The following ZCCHC14 variants were observed in gnomAD, a reference collection of about 807,000 sequenced individuals.
The protein encoded by ZCCHC14 is zinc finger CCHC-type containing 14.
Under a neutral mutation model 85.0 loss-of-function variants are expected in ZCCHC14, and 16 were observed. That is an observed-to-expected ratio of 0.19 (90% CI 0.13 to 0.29). The LOEUF is 0.29. Among genes scored for constraint, ZCCHC14 ranks in the 10% least tolerant of loss-of-function variants. The probability of loss-of-function intolerance (pLI) is 1.00; values close to 1 mark genes in which losing one functional copy is unlikely to be tolerated. For missense variants in ZCCHC14, 1,303 were observed against 1,443.5 expected, an observed-to-expected ratio of 0.90 and a Z score of 1.58; for synonymous variants, 775 against 630.7, an observed-to-expected ratio of 1.23 and a Z score of -3.43.
chr16:87,440,521 T>C (rs947345964), intron 2 of ZCCHC14, among the ~76,000 whole-genome samples: 2 of 152,170 alleles, frequency 1.3e-5, no homozygotes, highest in Non-Finnish European at 2.9e-5. Flanking sequence ...ATTTGTAACA[T>C]GTTTCAGGAA....
At chr16:87,477,127 AAAAAAAAAAAAAAACAAAAC>A (rs1019006537) in intron 1 of ZCCHC14, among the ~76,000 whole-genome samples, 3 of 132,286 alleles carry the variant, frequency 2.3e-5, no homozygotes, top group Non-Finnish European at 3.1e-5. Flanking sequence ...TCTCAAAAAA[AAAAAAAAAAAAAAACAAAAC>A]AAAACCAAAA....
Position 87,451,989 on chromosome 16 carries a change from C to T in ZCCHC14, c.694+8019G>A, listed in dbSNP as rs184801946. Among the ~76,000 whole-genome samples the T allele has an allele frequency of 2.2e-3, 328 of 152,354 alleles. 2 individuals carry two copies. Among genetic ancestry groups the T allele is most frequent in the African/African-American group, 6.9e-3 (288 of 41,578 alleles). On this transcript the variant is annotated intron_variant, in intron 2 of 12. Transcript: ENST00000671377. ...GAATCCCGGCTCTCCCTGCACGGCA[C>T]GGGGCTGGGCAAGTGTGGGCTGACT...
Position 87,491,308 on chromosome 16 carries a change from G to T in ZCCHC14, c.570+361C>A, listed in dbSNP as rs141253146. 0.016 allele frequency among the ~76,000 whole-genome samples: 2,498 copies of T among 152,340 alleles called. 84 individuals carry two copies. Among genetic ancestry groups the T allele is most frequent in the African/African-American group, 0.057 (2,372 of 41,564 alleles). ...TTGGGGCACGCAGAGGGGACTGAGG[G>T]TGTGGGCTCAGGGCCGCGGTGCGGT... is the stretch of plus-strand genomic sequence containing the variant. On this transcript the variant is annotated intron_variant, in intron 1 of 12. Coordinates refer to ENST00000671377, the MANE Select transcript of ZCCHC14 (RefSeq NM_015144.3). This position sits in a 1 kb window ranked among gnomAD's most constrained non-coding sequence, Gnocchi z 5.9.
Position 87,422,660 on chromosome 16 carries a change from C to G in ZCCHC14, c.840+1150G>C, listed in dbSNP as rs541275621. Among the ~76,000 whole-genome samples, 610 of 151,596 alleles carry G rather than the reference C, an allele frequency of 4.0e-3. 2 individuals are homozygous for G. Among genetic ancestry groups the G allele is most frequent in the African/African-American group, 0.014 (563 of 41,316 alleles). On this transcript the variant is annotated intron_variant, in intron 4 of 12. Coordinates refer to ENST00000671377, the MANE Select transcript of ZCCHC14 (RefSeq NM_015144.3). Reference sequence around the variant, plus strand: ...CTAAGGCAGGAGAATTGCTTGAAGCCGGGAGGTGGAGGTTGCAGTGAGCCA... The same window carrying G: ...CTAAGGCAGGAGAATTGCTTGAAGCGGGGAGGTGGAGGTTGCAGTGAGCCA...
intron 1 of ZCCHC14, among the ~76,000 whole-genome samples, chr16:87,485,654 G>A (rs771948257): frequency 1.3e-5 from 2 of 151,454 alleles, no homozygotes; most frequent in Non-Finnish European, 2.9e-5. Context: ...GGTGGGGGGC[G>A]GGGGAGAATA....
At chr16:87,456,217 A>G (rs1910951547) in intron 2 of ZCCHC14, among the ~76,000 whole-genome samples, 1 of 152,204 alleles carries the variant, frequency 6.6e-6, no homozygotes, top group Non-Finnish European at 1.5e-5. Flanking sequence ...GAAAGGCCAC[A>G]GACTGTGGGC....
chr16:87,446,236 C>G (rs963725471), intron 2 of ZCCHC14, among the ~76,000 whole-genome samples: 3 of 151,538 alleles, frequency 2.0e-5, no homozygotes, highest in African/African-American at 7.3e-5. Context: ...GTAATCCCAG[C>G]ACTTTGGGAG....
chr16:87,460,289 T>G (rs866452911), intron 1 of ZCCHC14, among the ~76,000 whole-genome samples, 158 bp from the exon 2 acceptor site: 1 of 152,136 alleles, frequency 6.6e-6, no homozygotes, highest in Non-Finnish European at 1.5e-5. Flanking sequence ...AAGATGAAAA[T>G]TTCACCTACT....
At chr16:87,476,605 T>C (rs1912015278) in intron 1 of ZCCHC14, among the ~76,000 whole-genome samples, 1 of 151,868 alleles carries the variant, frequency 6.6e-6, no homozygotes, top group Admixed American at 6.6e-5. Flanking sequence ...ACTAAAATCA[T>C]GCAACAAAGG....
chr16:87,468,228 T>A (rs1172705262), intron 1 of ZCCHC14, among the ~76,000 whole-genome samples: 1 of 152,250 alleles, frequency 6.6e-6, no homozygotes, highest in Non-Finnish European at 1.5e-5. Flanking sequence ...TGGTGACATC[T>A]GTACGTAACC....
At chr16:87,440,558 G>A (rs1201853370) in intron 2 of ZCCHC14, among the ~76,000 whole-genome samples, 13 of 152,160 alleles carry the variant, frequency 8.5e-5, no homozygotes, top group Non-Finnish European at 1.5e-5. Context: ...GTATCCAGAG[G>A]TCACTGGCCA....
At chr16:87,483,599 T>C (rs1440469511) in intron 1 of ZCCHC14, among the ~76,000 whole-genome samples, 3 of 152,154 alleles carry the variant, frequency 2.0e-5, no homozygotes, top group African/African-American at 7.2e-5. Flanking sequence ...GAAACAATAT[T>C]CAACCTTTAT....
intron 3 of ZCCHC14, among the ~76,000 whole-genome samples, chr16:87,428,850 T>C (rs1909505812): frequency 6.6e-6 from 1 of 152,266 alleles, no homozygotes. Flanking sequence ...TTCGTGCATA[T>C]GGCTGAGTAT....
intron 3 of ZCCHC14, among the ~76,000 whole-genome samples, chr16:87,429,796 A>G (rs765057235): frequency 2.8e-4 from 43 of 152,176 alleles, no homozygotes; most frequent in Non-Finnish European, 5.4e-4. Flanking sequence ...TACTAGAGAG[A>G]GGGTTTTGCC....
chr16:87,455,966 T>C (rs966488902), intron 2 of ZCCHC14, among the ~76,000 whole-genome samples: 1 of 152,204 alleles, frequency 6.6e-6, no homozygotes, highest in Non-Finnish European at 1.5e-5. Context: ...TGTGGTGTAT[T>C]CACTGCATTG....
intron 1 of ZCCHC14, among the ~76,000 whole-genome samples, chr16:87,468,844 T>A (rs1299555665): frequency 1.3e-5 from 2 of 152,212 alleles, no homozygotes; most frequent in Non-Finnish European, 1.5e-5. Context: ...CCCGCAGGCC[T>A]CAGGAGTGCC....
chr16:87,419,873 G>A lies in ZCCHC14; in HGVS notation c.955C>T (p.Leu319=). ...HVDLDSGLRY[L]ASLPSHVLKN... ...AACACGTGAGAAGGTAATGAGGCCAGGTACCTAAAAGGCAAACAAGTGGTC... is the reference window on the plus strand; with the variant it reads ...AACACGTGAGAAGGTAATGAGGCCAAGTACCTAAAAGGCAAACAAGTGGTC... The change falls in exon 6 of 13, where the codon CTG becomes TTG. Residue 319 remains leucine (L), a synonymous_variant. Coordinates refer to ENST00000671377, the MANE Select transcript of ZCCHC14 (RefSeq NM_015144.3). The A allele has an allele frequency of 6.2e-7, 1 of 1,606,424 alleles. No homozygotes were observed. Among genetic ancestry groups the A allele is most frequent in the Non-Finnish European group, 8.5e-7 (1 of 1,177,630 alleles).
intron 2 of ZCCHC14, among the ~76,000 whole-genome samples, chr16:87,442,990 C>G (rs992284763): frequency 1.3e-5 from 2 of 152,160 alleles, no homozygotes; most frequent in Admixed American, 1.3e-4. Flanking sequence ...TGCTAAAGTT[C>G]TTTGAACAGA....
At chr16:87,418,317 C>T (rs891821260) in intron 7 of ZCCHC14, among the ~76,000 whole-genome samples, 8 of 152,220 alleles carry the variant, frequency 5.3e-5, no homozygotes, top group Non-Finnish European at 1.0e-4. Context: ...CAAAGTCACA[C>T]CTGCTGACTG....
Sources: allele counts gnomAD v4.1 joint callset (sites outside exome capture counted in the v4.1 genomes callset), GRCh38; gene constraint gnomAD v4.1.1; non-coding constraint Gnocchi (gnomAD v3.1); transcripts MANE v1.5; gene names NCBI Gene and HGNC (gene_info 2026-07-23, HGNC 2026-07-21).